Variants in AGBL1 observed in about 807,000 individuals in gnomAD.
The protein encoded by AGBL1 is cytosolic carboxypeptidase 4.
AGBL1 carries 130 observed loss-of-function variants against 118.9 expected under a neutral mutation model. The observed-to-expected ratio is 1.09, with a 90% CI of 0.95 to 1.26. AGBL1 has a LOEUF of 1.26. Ranked by LOEUF, AGBL1 falls within the 50% of genes most tolerant of loss-of-function variation. The pLI is 0.00. For missense variants in AGBL1, 1,584 were observed against 1,298.1 expected (o/e 1.22, Z -3.38); for synonymous variants, 555 against 478.9 (o/e 1.16, Z -2.08).
chr15:86,841,759 A>C (rs1296020324), intron 22 of AGBL1, among the ~76,000 whole-genome samples: 1 of 152,160 alleles, frequency 6.6e-6, no homozygotes, highest in Non-Finnish European at 1.5e-5. Flanking sequence ...ACGCAGGAGA[A>C]TCGCTTGAAC....
chr15:86,569,278 A>G (rs2083965269), intron 21 of AGBL1, among the ~76,000 whole-genome samples: 1 of 152,296 alleles, frequency 6.6e-6, no homozygotes, highest in East Asian at 1.9e-4. Flanking sequence ...AAAAAAAATT[A>G]AAATCAGCCG....
intron 18 of AGBL1, among the ~76,000 whole-genome samples, chr15:86,495,781 A>G (rs187477962): frequency 6.6e-6 from 1 of 152,034 alleles, no homozygotes; most frequent in Admixed American, 6.6e-5. Context: ...TCTGTTTGGT[A>G]TATAATTTTT....
At chr15:86,737,513 T>C (rs564968525) in intron 22 of AGBL1, among the ~76,000 whole-genome samples, 1 of 152,322 alleles carries the variant, frequency 6.6e-6, no homozygotes, top group Admixed American at 6.5e-5. Flanking sequence ...GTGCCTATGA[T>C]ATCTCGGCTT....
rs191971466 is a variant in AGBL1, at chr15:86,128,572, C to T, written c.52-13432C>T. Among the ~76,000 whole-genome samples, 91 of 152,320 alleles carry T rather than the reference C, an allele frequency of 6.0e-4. 1 individual carries two copies. Among genetic ancestry groups the T allele is most frequent in the Admixed American group, 5.3e-3 (81 of 15,300 alleles). On this transcript the variant is annotated intron_variant, in intron 1 of 22. Transcript: ENST00000614907. ...AGAGAATCAGTCCCTGAGATACAGG[C>T]GCCCCACCTCGCATGGTGACACCTC...
chr15:86,369,883 T>C (rs2035523332), intron 17 of AGBL1, among the ~76,000 whole-genome samples: 1 of 152,136 alleles, frequency 6.6e-6, no homozygotes, highest in African/African-American at 2.4e-5. Context: ...GGAACAAACC[T>C]ATAAAATGGA....
intron 21 of AGBL1, among the ~76,000 whole-genome samples, chr15:86,660,737 C>T (rs1194853691): frequency 2.0e-5 from 3 of 152,102 alleles, no homozygotes; most frequent in Non-Finnish European, 4.4e-5. Context: ...TATAAAATTG[C>T]TATATGGCTT....
chr15:86,321,723 G>T (rs1161031816), intron 17 of AGBL1, among the ~76,000 whole-genome samples: 1 of 151,552 alleles, frequency 6.6e-6, no homozygotes, highest in East Asian at 1.9e-4. Flanking sequence ...CCTGCAGTTA[G>T]CTAAAAGTGC....
At position 86,796,720 on chromosome 15, in the gene AGBL1, C is replaced by T. The variant is rs72750041; in HGVS notation, c.3159-110367C>T. On this transcript the variant is annotated intron_variant, in intron 22 of 22. Coordinates refer to ENST00000614907, the MANE Select transcript of AGBL1 (RefSeq NM_001386094.1). ...AACATTATTAGAACATAGCTACACCCATCTATTTACATATCATCTGTAGCT... is the reference window on the plus strand; with the variant it reads ...AACATTATTAGAACATAGCTACACCTATCTATTTACATATCATCTGTAGCT... 9.7e-3 allele frequency among the ~76,000 whole-genome samples: 1,482 copies of T among 152,350 alleles called. 12 individuals are homozygous for T. The highest frequency in any genetic ancestry group is 0.016 in the Non-Finnish European group (1,112 of 68,038).
intron 1 of AGBL1, among the ~76,000 whole-genome samples, chr15:86,098,764 T>A (rs561196145): frequency 6.6e-6 from 1 of 152,200 alleles, no homozygotes. Context: ...CCAGCTTTGT[T>A]CTTTGTGCTT....
chr15:86,521,875 G>A (rs2083193871), intron 18 of AGBL1, among the ~76,000 whole-genome samples: 1 of 152,082 alleles, frequency 6.6e-6, no homozygotes, highest in South Asian at 2.1e-4. Flanking sequence ...GGTGCTGGAG[G>A]TGTTGGGGAT....
intron 5 of AGBL1, among the ~76,000 whole-genome samples, chr15:86,208,508 G>T (rs1385981969): frequency 6.6e-6 from 1 of 152,142 alleles, no homozygotes; most frequent in Non-Finnish European, 1.5e-5. Flanking sequence ...CCTGTTATTG[G>T]TCTATTCAGA....
intron 21 of AGBL1, among the ~76,000 whole-genome samples, chr15:86,637,986 G>GT (rs1432314717): frequency 6.6e-6 from 1 of 152,106 alleles, no homozygotes; most frequent in Non-Finnish European, 1.5e-5. Flanking sequence ...GGGCTCTCAT[G>GT]TTTTTTCCAT....
At chr15:86,437,526 AT>A (rs1266562801) in intron 18 of AGBL1, among the ~76,000 whole-genome samples, 1 of 151,646 alleles carries the variant, frequency 6.6e-6, no homozygotes, top group African/African-American at 2.4e-5. Flanking sequence ...CCTTCAATTC[AT>A]TTTTTTTCCC....
chr15:86,152,278 G>A (rs535758655), intron 3 of AGBL1, among the ~76,000 whole-genome samples: 37 of 152,106 alleles, frequency 2.4e-4, no homozygotes, highest in Non-Finnish European at 3.8e-4. Context: ...ATATTACAAG[G>A]CTACAGTAAC....
rs555892099 is a variant in AGBL1, at chr15:86,156,608, C to T, written c.394+2047C>T. Among the ~76,000 whole-genome samples the T allele has an allele frequency of 3.3e-5, 5 of 152,150 alleles. No homozygotes were observed. In the East Asian group the frequency reaches 7.8e-4, roughly 24 times the overall value. On this transcript the variant is annotated intron_variant, in intron 4 of 22. Coordinates refer to ENST00000614907, the MANE Select transcript of AGBL1 (RefSeq NM_001386094.1). Reference sequence around the variant, plus strand: ...ATGGGAGAATGTTCATGGGCATGTTCGTCACATGGCAACTGCTTGATAATT... The same window carrying T: ...ATGGGAGAATGTTCATGGGCATGTTTGTCACATGGCAACTGCTTGATAATT...
chr15:86,218,658 T>C (rs994718406), intron 5 of AGBL1, among the ~76,000 whole-genome samples: 4 of 152,196 alleles, frequency 2.6e-5, no homozygotes, highest in Admixed American at 2.0e-4. Context: ...TCCTCATTGA[T>C]GAAGTAAGCA....
intron 18 of AGBL1, among the ~76,000 whole-genome samples, chr15:86,459,849 C>T (rs929275040): frequency 1.3e-5 from 2 of 152,092 alleles, no homozygotes; most frequent in African/African-American, 2.4e-5. Context: ...CCAACGGGTA[C>T]AGCTACTCTT....
intron 17 of AGBL1, among the ~76,000 whole-genome samples, chr15:86,298,246 A>AATATATATATATATATATATATATAT (rs59968237): frequency 5.7e-4 from 40 of 69,776 alleles, no homozygotes; most frequent in Non-Finnish European, 7.9e-4. Context: ...GTCTGTGTAT[A>AATATATATATATATATATATATATAT]ATATATATAT....
At chr15:86,675,738 A>G (rs1430644191) in intron 22 of AGBL1, among the ~76,000 whole-genome samples, 3 of 152,014 alleles carry the variant, frequency 2.0e-5, no homozygotes, top group Non-Finnish European at 4.4e-5. Flanking sequence ...TTACTAAGCT[A>G]TCTTGGGTGT....
Sources: gnomAD v4.1 joint callset for allele counts (sites outside exome capture counted in the v4.1 genomes callset) on GRCh38, gnomAD v4.1.1 for gene constraint, MANE v1.5 for transcripts, NCBI Gene and HGNC (gene_info 2026-07-23, HGNC 2026-07-21) for gene names.